Variants in SUGCT observed in about 807,000 individuals in gnomAD.
The protein encoded by SUGCT is succinyl-CoA:glutarate-CoA transferase.
A neutral mutation model predicts 55.0 loss-of-function variants in SUGCT; 41 were observed. The ratio of observed to expected loss-of-function variants is 0.74; its 90% CI spans 0.58 to 0.97. SUGCT has a LOEUF of 0.97. Among genes scored for constraint, SUGCT ranks in the 50% least tolerant of loss-of-function variants. The pLI is 0.00. For synonymous variants in SUGCT, 187 were observed against 200.4 expected, an observed-to-expected ratio of 0.93 and a Z score of 0.56; for missense variants, 568 against 547.8, an observed-to-expected ratio of 1.04 and a Z score of -0.37.
chr7:40,928,553 T>C, the SUGCT span, among the ~76,000 whole-genome samples: 6,077 of 152,212 alleles, frequency 0.04, 144 homozygotes, highest in South Asian at 0.074. Context: ...TTTCACATTT[T>C]TAATGTAAAG....
chr7:40,572,879 T>C (rs1207491105), intron 12 of SUGCT, among the ~76,000 whole-genome samples: 1 of 152,104 alleles, frequency 6.6e-6, no homozygotes, highest in Non-Finnish European at 1.5e-5. Context: ...ATCAAACTTC[T>C]GTGAAAGAAG....
chr7:40,991,897 G>T, the SUGCT span, among the ~76,000 whole-genome samples: 86 of 152,188 alleles, frequency 5.7e-4, no homozygotes, highest in African/African-American at 1.8e-3. Context: ...TTTGTGGCAA[G>T]AACAGTGGTG....
intron 7 of SUGCT, among the ~76,000 whole-genome samples, chr7:40,265,782 C>T (rs1466927046): frequency 1.3e-5 from 2 of 152,130 alleles, no homozygotes; most frequent in African/African-American, 4.8e-5. Flanking sequence ...GAAACCCCGT[C>T]TCTACTAAAA....
intron 9 of SUGCT, among the ~76,000 whole-genome samples, chr7:40,350,978 T>C (rs896930975): frequency 6.6e-6 from 1 of 152,188 alleles, no homozygotes; most frequent in South Asian, 2.1e-4. Context: ...CATCCTTTTT[T>C]ATGGCTGCAA....
chr7:40,498,527 C>G (rs1441845315), intron 12 of SUGCT, among the ~76,000 whole-genome samples: 1 of 152,194 alleles, frequency 6.6e-6, no homozygotes, highest in East Asian at 1.9e-4. Context: ...GTGAGGCTGA[C>G]AAGCTCTATC....
At chr7:40,149,972 A>G (rs1788467093) in intron 1 of SUGCT, among the ~76,000 whole-genome samples, 1 of 152,024 alleles carries the variant, frequency 6.6e-6, no homozygotes, top group African/African-American at 2.4e-5. Context: ...GTGTCCCTGT[A>G]CTCCCAGCTA....
intron 10 of SUGCT, among the ~76,000 whole-genome samples, chr7:40,456,432 G>A (rs1174681675): frequency 1.3e-5 from 2 of 152,200 alleles, no homozygotes; most frequent in Admixed American, 6.5e-5. Flanking sequence ...CTGTGAGCTT[G>A]TCAGTTGAAG....
At chr7:40,488,822 A>G (rs1791526846) in intron 11 of SUGCT, among the ~76,000 whole-genome samples, 2 of 152,262 alleles carry the variant, frequency 1.3e-5, no homozygotes, top group African/African-American at 4.8e-5. Context: ...TCTGTTGAGA[A>G]ATCTTCTGCC....
chr7:40,469,014 G>A (rs955216708), intron 11 of SUGCT, among the ~76,000 whole-genome samples: 1 of 152,100 alleles, frequency 6.6e-6, no homozygotes, highest in African/African-American at 2.4e-5. Flanking sequence ...TTTTAAATCC[G>A]ATGAATTCCA....
chr7:40,247,937 A>G (rs531907146), intron 7 of SUGCT, among the ~76,000 whole-genome samples: 1 of 151,156 alleles, frequency 6.6e-6, no homozygotes, highest in African/African-American at 2.4e-5. Flanking sequence ...TCTTTAAGAA[A>G]TCTTTGCTTA....
intron 9 of SUGCT, among the ~76,000 whole-genome samples, chr7:40,384,631 A>G (rs1213150265): frequency 1.3e-5 from 2 of 151,084 alleles, no homozygotes; most frequent in African/African-American, 4.9e-5. Flanking sequence ...GCTCACTGCA[A>G]CCTCTGCCTT....
At chr7:40,447,133 T>C (rs2151424081) in intron 9 of SUGCT, among the ~76,000 whole-genome samples, 1 of 152,360 alleles carries the variant, frequency 6.6e-6, no homozygotes, top group African/African-American at 2.4e-5. Context: ...CACTGCTTTA[T>C]GCAGCCACTA....
intron 8 of SUGCT, among the ~76,000 whole-genome samples, chr7:40,290,686 A>T (rs904912582): frequency 5.3e-5 from 8 of 152,204 alleles, no homozygotes; most frequent in African/African-American, 9.6e-5. Flanking sequence ...GCTTCTGCAC[A>T]GCAAAAGAAA....
intron 8 of SUGCT, among the ~76,000 whole-genome samples, chr7:40,306,124 G>T (rs1295912369): frequency 6.6e-6 from 1 of 152,130 alleles, no homozygotes; most frequent in Non-Finnish European, 1.5e-5. Context: ...CTTTGCCCCC[G>T]TTAATCTGGA....
At chr7:40,711,099 G>T (rs1034244341) in intron 12 of SUGCT, among the ~76,000 whole-genome samples, 2 of 152,216 alleles carry the variant, frequency 1.3e-5, no homozygotes, top group Non-Finnish European at 2.9e-5. Flanking sequence ...GCTGGGCAGG[G>T]AACAGCAGTA....
chr7:40,722,679 T>C (rs888376637), intron 12 of SUGCT, among the ~76,000 whole-genome samples: 1 of 152,232 alleles, frequency 6.6e-6, no homozygotes, highest in African/African-American at 2.4e-5. Context: ...ACATAATAGT[T>C]ATACATATTT....
chr7:40,492,999 C>T (rs765081613), intron 11 of SUGCT, among the ~76,000 whole-genome samples: 9 of 152,142 alleles, frequency 5.9e-5, no homozygotes, highest in African/African-American at 4.8e-5. Context: ...GAGGTATATA[C>T]GATAGAAGTG....
the SUGCT span, among the ~76,000 whole-genome samples, chr7:41,016,083 A>G: frequency 6.6e-6 from 1 of 152,194 alleles, no homozygotes; most frequent in Non-Finnish European, 1.5e-5. Context: ...AAATGTTCCC[A>G]TGTTCTAACC....
intron 12 of SUGCT, among the ~76,000 whole-genome samples, chr7:40,612,260 A>G (rs1798803201): frequency 6.6e-6 from 1 of 152,174 alleles, no homozygotes; most frequent in Non-Finnish European, 1.5e-5. Context: ...TCATCTATGC[A>G]AAGTGCTCTG....
Sources: gnomAD v4.1 joint callset for allele counts (sites outside exome capture counted in the v4.1 genomes callset) on GRCh38, gnomAD v4.1.1 for gene constraint, MANE v1.5 for transcripts, NCBI Gene and HGNC (gene_info 2026-07-23, HGNC 2026-07-21) for gene names.